Variants in DNAAF6 observed in about 807,000 individuals in gnomAD.
DNAAF6 encodes PIH1 domain containing 3.
In DNAAF6, 3 loss-of-function variants were observed where a neutral mutation model predicts 13.7. The ratio of observed to expected loss-of-function variants is 0.22; its 90% confidence interval spans 0.10 to 0.56. The LOEUF is 0.56. DNAAF6 is among the 20% of genes least tolerant of loss of function. The pLI, the probability that DNAAF6 is intolerant of heterozygous loss-of-function variation, is 0.92. For synonymous variants in DNAAF6, 54 were observed against 49.2 expected, an observed-to-expected ratio of 1.10 and a Z score of -0.41; for missense variants, 130 against 151.0, an observed-to-expected ratio of 0.86 and a Z score of 0.73.
chrX:107,220,909 T>TTCTTTC (rs1377486994), intron 4 of DNAAF6, among the ~76,000 whole-genome samples: 1 of 13,488 alleles, frequency 7.4e-5, no homozygotes, highest in African/African-American at 1.9e-4. Context: ...CTCCCTTTCT[T>TTCTTTC]TCTTTCTTTC....
chrX:107,226,331 G>A (rs990589378), intron 5 of DNAAF6, among the ~76,000 whole-genome samples: 1 of 111,426 alleles, frequency 9.0e-6, no homozygotes, highest in Non-Finnish European at 1.9e-5. Flanking sequence ...TTATCCTCTA[G>A]CCATATTCTC....
chrX:107,236,205 G>A (rs1010620216), intron 5 of DNAAF6, among the ~76,000 whole-genome samples: 2 of 111,926 alleles, frequency 1.8e-5, no homozygotes, highest in Non-Finnish European at 3.8e-5. Flanking sequence ...CAAAGGTTGA[G>A]TTCTCAGAAG....
At chrX:107,236,444 G>T (rs756653924) in intron 5 of DNAAF6, among the ~76,000 whole-genome samples, 1 of 111,602 alleles carries the variant, frequency 9.0e-6, no homozygotes, top group South Asian at 3.8e-4. Flanking sequence ...CCAGGTATTT[G>T]TTTTAAAGTA....
At chrX:107,238,045 T>C (rs1329544374) in intron 5 of DNAAF6, among the ~76,000 whole-genome samples, 1 of 112,397 alleles carries the variant, frequency 8.9e-6, no homozygotes, top group East Asian at 2.8e-4. Flanking sequence ...AATAGAATCC[T>C]ATAATATGTG....
In DNAAF6 at chrX:107,243,204, G is replaced by A; in HGVS notation, c.551G>A (p.Cys184Tyr). 1 of 1,207,954 alleles carries A rather than the reference G, an allele frequency of 8.3e-7. No individual in the cohort carries two copies. The highest frequency in any genetic ancestry group is 1.1e-6 in the Non-Finnish European group (1 of 894,015). Reference protein sequence around the residue: ...LLITLPELVECTSAKAFYIPE... With the variant: ...LLITLPELVEYTSAKAFYIPE... ...ATAACTCTTCCTGAGCTGGTGGAAT[G>A]TACCAGTGCCAAAGCATTCTATATC... is the stretch of plus-strand genomic sequence containing the variant. Residue 184 changes from cysteine (C) to tyrosine (Y), a missense_variant, in exon 7 of 7, where the codon TGT becomes TAT. Cys to Tyr is a radical substitution (Grantham distance 194). Coordinates refer to ENST00000372453, the MANE Select transcript of DNAAF6 (RefSeq NM_173494.2).
rs1928174142 is a variant in DNAAF6, at chrX:107,222,745, G to A, written c.333G>A (p.Glu111=). The A allele has an allele frequency of 3.4e-6, 4 of 1,192,583 alleles. No individual in the cohort carries two copies. Among genetic ancestry groups the A allele is most frequent in the Admixed American group, 2.3e-5 (1 of 43,214 alleles). ...CCTATAATCATTGATTTTTTTTCAGGTATGAGATTATATTCAGACAGCAGG... is the reference window on the plus strand; with the variant it reads ...CCTATAATCATTGATTTTTTTTCAGATATGAGATTATATTCAGACAGCAGG... ...DDMWDVREIP[E]YEIIFRQQVG... is the part of the protein sequence containing the mutation. Residue 111 remains glutamate (E), a splice_region_variant and synonymous_variant, in exon 5 of 7, where the codon GAG becomes GAA. Coordinates refer to ENST00000372453, the MANE Select transcript of DNAAF6 (RefSeq NM_173494.2).
In DNAAF6 at chrX:107,243,287, A is replaced by G. The variant is rs927001874; in HGVS notation, c.634A>G (p.Asn212Asp). Residue 212 changes from asparagine to aspartate, a missense_variant, in exon 7 of 7, where the codon AAT becomes GAT. Transcript: ENST00000372453. ...TATGAAAAGAGAGTTAGATATTGCT[A>G]ATTTCTTCTGAAACTGCATGAAAAA... ...MTMKRELDIANFF is the reference protein window; with the variant it reads ...MTMKRELDIADFF 1.7e-6 allele frequency: 2 copies of G among 1,201,235 alleles called. No individual in the cohort carries two copies. The highest frequency in any genetic ancestry group is 2.2e-6 in the Non-Finnish European group (2 of 892,131).
At chrX:107,240,474 A>G (rs1460344331) in intron 6 of DNAAF6, among the ~76,000 whole-genome samples, 1 of 111,716 alleles carries the variant, frequency 9.0e-6, no homozygotes, top group East Asian at 2.8e-4. Context: ...TTTAGTTTCT[A>G]ACTTTGACAT....
intron 5 of DNAAF6, among the ~76,000 whole-genome samples, chrX:107,223,458 A>C (rs1282565991): frequency 8.9e-6 from 1 of 111,790 alleles, no homozygotes; most frequent in Non-Finnish European, 1.9e-5. Flanking sequence ...CAATACCAAC[A>C]ATATCAATGA....
At chrX:107,215,247 A>G (rs989740572) in intron 2 of DNAAF6, among the ~76,000 whole-genome samples, 6 of 111,281 alleles carry the variant, frequency 5.4e-5, no homozygotes, top group African/African-American at 1.3e-4. Context: ...TTCTGAGCCA[A>G]TCACTGTCCA....
At chrX:107,220,582 T>C (rs1354667001) in intron 4 of DNAAF6, among the ~76,000 whole-genome samples, 1 of 112,133 alleles carries the variant, frequency 8.9e-6, no homozygotes, top group East Asian at 2.8e-4. Context: ...TTTCAACATT[T>C]CTCAGTGGAT....
intron 2 of DNAAF6, 27 bp from the exon 3 acceptor site, chrX:107,216,644 A>G: frequency 9.2e-7 from 1 of 1,091,152 alleles, no homozygotes; most frequent in Non-Finnish European, 1.2e-6. Flanking sequence ...TTAATTACAG[A>G]ATATTGAACT....
At chrX:107,213,593 G>A (rs1296017800) in intron 2 of DNAAF6, among the ~76,000 whole-genome samples, 2 of 111,982 alleles carry the variant, frequency 1.8e-5, no homozygotes, top group Non-Finnish European at 3.8e-5. Context: ...GATAGGTAAT[G>A]CCAGCAAGGC....
chrX:107,221,588 A>G (rs1051006100), intron 4 of DNAAF6, among the ~76,000 whole-genome samples: 2 of 111,643 alleles, frequency 1.8e-5, no homozygotes, highest in Non-Finnish European at 3.8e-5. Context: ...AAACCTTTGT[A>G]GTAGACAGTT....
intron 5 of DNAAF6, among the ~76,000 whole-genome samples, chrX:107,237,852 G>A (rs1928551179): frequency 8.9e-6 from 1 of 111,883 alleles, no homozygotes; most frequent in Non-Finnish European, 1.9e-5. Context: ...GTGGTGGCAC[G>A]CACCTATAGT....
intron 6 of DNAAF6, among the ~76,000 whole-genome samples, chrX:107,240,194 A>G (rs531325119): frequency 8.9e-6 from 1 of 111,990 alleles, no homozygotes; most frequent in South Asian, 3.7e-4. Flanking sequence ...GTGAGGATAC[A>G]TTTTGGATTA....
chrX:107,215,048 T>C (rs995961438), intron 2 of DNAAF6, among the ~76,000 whole-genome samples: 2 of 111,519 alleles, frequency 1.8e-5, no homozygotes, highest in Non-Finnish European at 3.8e-5. Context: ...CAAAGTGGCA[T>C]GAATTGCAGT....
chrX:107,212,660 T>C (rs1467246308), intron 1 of DNAAF6, among the ~76,000 whole-genome samples: 2 of 111,653 alleles, frequency 1.8e-5, no homozygotes, highest in Non-Finnish European at 3.8e-5. Flanking sequence ...GACATTTTAG[T>C]AAAGCAGGCT....
At chrX:107,208,562 G>C (rs1406039060) in intron 1 of DNAAF6, among the ~76,000 whole-genome samples, 1 of 107,258 alleles carries the variant, frequency 9.3e-6, no homozygotes, top group Admixed American at 9.8e-5. Flanking sequence ...TTTTGAGACG[G>C]AGTCTCGCTC....
Sources: gnomAD v4.1 joint callset for allele counts (sites outside exome capture counted in the v4.1 genomes callset) on GRCh38, gnomAD v4.1.1 for gene constraint, MANE v1.5 for transcripts, NCBI Gene and HGNC (gene_info 2026-07-23, HGNC 2026-07-21) for gene names.